The following GLOD4 variants were observed in gnomAD, a reference collection of about 807,000 sequenced individuals.
The protein encoded by GLOD4 is glyoxalase domain-containing protein 4.
GLOD4 carries 44 observed loss-of-function variants against 39.1 expected under a neutral mutation model. The observed-to-expected ratio is 1.13, with a 90% confidence interval of 0.88 to 1.45. The LOEUF (loss-of-function observed/expected upper bound fraction) is 1.45. Among genes scored for constraint, GLOD4 ranks in the 40% most tolerant of loss-of-function variants. The pLI, the probability that GLOD4 is intolerant of heterozygous loss-of-function variation, is 0.00. For synonymous variants in GLOD4, 145 were observed against 135.0 expected, an observed-to-expected ratio of 1.07 and a Z score of -0.52; for missense variants, 405 against 366.4, an observed-to-expected ratio of 1.11 and a Z score of -0.86.
rs1567786198 is a variant in GLOD4 at position 759,343 on chromosome 17, A to C, written c.*830T>G. 1 of 152,248 alleles carries C rather than the reference A, an allele frequency of 6.6e-6. No individual in the cohort carries two copies. The highest frequency in any genetic ancestry group is 1.5e-5 in the Non-Finnish European group (1 of 68,052). The allele number at this position is 152,248 out of a possible 1,614,324, so 9.4% of individuals were successfully genotyped here. A position where few individuals can be genotyped will look rare whatever the true frequency, so the allele number is the denominator to read the frequency against. The stretch of plus-strand genomic sequence containing the variant: ...GATTTCAGAAGCTTACTTTCAAAAA[A>C]AATTTATTCAATGAATACACAATAT... On this transcript the variant is annotated 3_prime_UTR_variant, in exon 9 of 9. Transcript: ENST00000301329.
chr17:771,222 A>G (rs1427366661), intron 5 of GLOD4, 103 bp downstream of exon 5: 1 of 683,252 alleles, frequency 1.5e-6, no homozygotes, highest in Non-Finnish European at 2.5e-6. Context: ...CTATGGGAAC[A>G]ACCTTCATGT....
chr17:769,756 G>T, intron 8 of GLOD4, 113 bp downstream of exon 8: 1 of 731,668 alleles, frequency 1.4e-6, no homozygotes, highest in Non-Finnish European at 2.5e-6. Context: ...AACAGCGAAA[G>T]GACGTGGTTC....
intron 8 of GLOD4, chr17:764,578 A>T (rs540894846): frequency 5.9e-5 from 9 of 152,316 alleles, no homozygotes; most frequent in African/African-American, 2.2e-4. Context: ...ATAATAGATT[A>T]AAAAATCTAG....
At chr17:771,492 T>A (rs750565629) in intron 4 of GLOD4, 31 bp from the exon 5 acceptor site, 5 of 1,335,390 alleles carry the variant, frequency 3.7e-6, no homozygotes, top group Admixed American at 2.5e-5. Context: ...AATAGACAGA[T>A]CAATTTAATA....
At position 778,443 on chromosome 17, in the gene GLOD4, G is replaced by A. The variant is rs796115981; in HGVS notation, c.140+252C>T. ...TGTGTCCCACAGGTGTTGTATGAGA[G>A]TGCAGAGAAATGTGTTCCCGACGCT... is the stretch of plus-strand genomic sequence containing the variant. On this transcript the variant is annotated intron_variant, in intron 2 of 8. Coordinates refer to ENST00000301329, the MANE Select transcript of GLOD4 (RefSeq NM_016080.4). 27 of 587,672 alleles carry A rather than the reference G, an allele frequency of 4.6e-5. No homozygotes were observed. In the African/African-American group the frequency reaches 4.8e-4, roughly 11 times the overall value. 36.4% of individuals were successfully genotyped at this position (587,672 alleles called of 1,614,324 possible).
chr17:784,268 G>C (rs570875187), upstream of GLOD4, among the ~76,000 whole-genome samples: 1 of 152,338 alleles, frequency 6.6e-6, no homozygotes, highest in Non-Finnish European at 1.5e-5. Context: ...TCTTGTCTCT[G>C]TAACCCAGTG....
intron 2 of GLOD4, chr17:778,407 G>A (rs1909313922): frequency 1.9e-6 from 1 of 524,978 alleles, no homozygotes; most frequent in Non-Finnish European, 3.4e-6. Flanking sequence ...TAGAGAGCTG[G>A]AGAATCCCTT....
chr17:777,672 T>C (rs1010926536), intron 2 of GLOD4: 1 of 152,294 alleles, frequency 6.6e-6, no homozygotes, highest in Non-Finnish European at 1.5e-5. Context: ...AAGCCGCTGC[T>C]TCATCTAGAG....
chr17:783,047 T>C, upstream of GLOD4: 2 of 1,539,214 alleles, frequency 1.3e-6, no homozygotes, highest in Admixed American at 4.1e-5. Context: ...AGGATGTTGA[T>C]AGTTACCTGT....
intron 2 of GLOD4, chr17:777,612 C>T (rs150122928): frequency 7.2e-5 from 11 of 152,166 alleles, no homozygotes; most frequent in Non-Finnish European, 1.6e-4. Flanking sequence ...CCCGCACTCC[C>T]ACCTGGGTGA....
intron 8 of GLOD4, among the ~76,000 whole-genome samples, chr17:769,513 C>T (rs1478492618): frequency 2.0e-5 from 2 of 99,098 alleles, no homozygotes; most frequent in African/African-American, 4.0e-5. Context: ...CTGAGGGGGT[C>T]GGATGGAGGC....
intron 1 of GLOD4, 102 bp downstream of exon 1, chr17:782,064 G>A: frequency 1.3e-6 from 1 of 798,496 alleles, no homozygotes; most frequent in Non-Finnish European, 2.0e-6. Context: ...ACACCCTCCG[G>A]CTTAGGTTCA....
upstream of GLOD4, chr17:783,338 A>C: frequency 1.9e-6 from 3 of 1,542,478 alleles, no homozygotes; most frequent in East Asian, 2.3e-5. Flanking sequence ...GTTAGTGATT[A>C]CCCAGTGTAT....
chr17:776,986 G>A lies in GLOD4; in HGVS notation c.143C>T (p.Pro48Leu). 6.2e-7 allele frequency: 1 copy of A among 1,610,708 alleles called. No individual in the cohort carries two copies. Among genetic ancestry groups the A allele is most frequent in the Admixed American group, 1.7e-5 (1 of 60,022 alleles). ...EEGCKAACNG[P>L]YDGKWSKTMV... is the part of the protein sequence containing the mutation. ...TGTTTTACTCCATTTCCCATCATAAGGCCTAGAAAATAAAAGTAAATGAAC... is the reference window on the plus strand; with the variant it reads ...TGTTTTACTCCATTTCCCATCATAAAGCCTAGAAAATAAAAGTAAATGAAC... Residue 48 changes from proline to leucine, a missense_variant and splice_region_variant, in exon 3 of 9, where the codon CCT becomes CTT. Coordinates refer to ENST00000301329, the MANE Select transcript of GLOD4 (RefSeq NM_016080.4).
chr17:778,928 C>CGCTGTTTCT, intron 1 of GLOD4, 184 bp from the exon 2 acceptor site: 1 of 582,862 alleles, frequency 1.7e-6, no homozygotes. Flanking sequence ...CAGCTTGACA[C>CGCTGTTTCT]CAAGGGTCAG....
At chr17:763,928 A>C (rs758348064) in intron 8 of GLOD4, 1 of 152,258 alleles carries the variant, frequency 6.6e-6, no homozygotes, top group African/African-American at 2.4e-5. Flanking sequence ...GCTGGGAAAA[A>C]TACTTGAATT....
chr17:760,811 G>A (rs557844008), intron 8 of GLOD4, among the ~76,000 whole-genome samples: 15 of 152,298 alleles, frequency 9.8e-5, no homozygotes, highest in East Asian at 1.9e-4. Flanking sequence ...GCCTTAAGCC[G>A]TGCCCAGTGG....
chr17:773,388 G>C (rs1040198087), intron 4 of GLOD4, among the ~76,000 whole-genome samples: 2 of 152,060 alleles, frequency 1.3e-5, no homozygotes, highest in Non-Finnish European at 2.9e-5. Context: ...GTAATAATAC[G>C]ATGGAACTCC....
At chr17:776,007 G>T in intron 3 of GLOD4, 88 bp from the exon 4 acceptor site, 1 of 977,770 alleles carries the variant, frequency 1.0e-6, no homozygotes, top group Non-Finnish European at 1.6e-6. Context: ...ATTGCCTACT[G>T]CCTTTAGGTA....
Sources: gnomAD v4.1 joint callset for allele counts (sites outside exome capture counted in the v4.1 genomes callset) on GRCh38, gnomAD v4.1.1 for gene constraint, MANE v1.5 for transcripts, NCBI Gene and HGNC (gene_info 2026-07-23, HGNC 2026-07-21) for gene names.